DOCK10: variants seen among roughly 807,000 people sequenced by gnomAD.
DOCK10 encodes the protein dedicator of cytokinesis protein 10.
In DOCK10, 145 loss-of-function variants were observed where a neutral mutation model predicts 280.1. The ratio of observed to expected loss-of-function variants is 0.52; its 90% confidence interval spans 0.45 to 0.59. The LOEUF (loss-of-function observed/expected upper bound fraction) is 0.59, where lower values mean the gene tolerates loss of function less well. Ranked by LOEUF, DOCK10 falls within the 20% of genes least tolerant of loss-of-function variation. DOCK10 has a pLI of 0.00. For missense variants in DOCK10, 2,368 were observed against 2,651.7 expected (o/e 0.89, Z 2.35); for synonymous variants, 915 against 942.2 (o/e 0.97, Z 0.53).
At chr2:224,849,317 A>G (rs568618640) in intron 19 of DOCK10, among the ~76,000 whole-genome samples, 190 bp downstream of exon 19, 1 of 152,342 alleles carries the variant, frequency 6.6e-6, no homozygotes, top group East Asian at 1.9e-4. Context: ...CCTGAAATAC[A>G]TGAATTTGCA....
chr2:224,940,108 G>A (rs1217073031), intron 1 of DOCK10, among the ~76,000 whole-genome samples: 1 of 152,172 alleles, frequency 6.6e-6, no homozygotes, highest in East Asian at 1.9e-4. Flanking sequence ...ACGCTTTCCT[G>A]CCGAACTCTG....
At chr2:224,780,420 A>C (rs1646810658) in intron 50 of DOCK10, among the ~76,000 whole-genome samples, 1 of 152,200 alleles carries the variant, frequency 6.6e-6, no homozygotes, top group South Asian at 2.1e-4. Flanking sequence ...CATGGGGCTA[A>C]AGCTGAAGCA....
At chr2:224,983,022 A>G (rs1339010110) in intron 1 of DOCK10, among the ~76,000 whole-genome samples, 1 of 152,134 alleles carries the variant, frequency 6.6e-6, no homozygotes, top group Non-Finnish European at 1.5e-5. Context: ...TCTCAATAGT[A>G]TGGTTGTTCT....
At chr2:224,797,189 A>G in intron 42 of DOCK10, 43 bp from the exon 43 acceptor site, 1 of 1,471,166 alleles carries the variant, frequency 6.8e-7, no homozygotes, top group Non-Finnish European at 9.2e-7. Flanking sequence ...ACATGCCTTC[A>G]TTTTGCTCTG....
chr2:224,833,347 A>G (rs1695369741), intron 26 of DOCK10, among the ~76,000 whole-genome samples: 1 of 151,482 alleles, frequency 6.6e-6, no homozygotes, highest in South Asian at 2.1e-4. Context: ...ACTTGGCTCC[A>G]GCCACAGTGT....
rs572743053 is a variant in DOCK10 at position 224,935,380 on chromosome 2, G to A, written c.124-3712C>T. 9.2e-5 allele frequency among the ~76,000 whole-genome samples: 14 copies of A among 152,320 alleles called. No homozygotes were observed. In the East Asian group the frequency reaches 2.7e-3, roughly 29 times the overall value. ...ACCAACCTTCATATTCCTCCAGAAT[G>A]GAAGTACAATCTAACTGAAACATAA... is the stretch of plus-strand genomic sequence containing the variant. On this transcript the variant is annotated intron_variant, in intron 1 of 55. Transcript: ENST00000258390.
At chr2:224,776,563 G>T (rs1373197960) in intron 51 of DOCK10, among the ~76,000 whole-genome samples, 1 of 151,472 alleles carries the variant, frequency 6.6e-6, no homozygotes, top group Admixed American at 6.6e-5. Context: ...CACATTCACA[G>T]AAATTTCTGC....
chr2:224,978,057 A>G (rs1705536455), intron 1 of DOCK10, among the ~76,000 whole-genome samples: 1 of 152,208 alleles, frequency 6.6e-6, no homozygotes, highest in Admixed American at 6.5e-5. Context: ...ATTAGTGACA[A>G]CTGCTTAAAA....
At chr2:225,035,574 A>ATATATATATATATATATATAT (rs1690229915) in intron 1 of DOCK10, among the ~76,000 whole-genome samples, 2 of 78,082 alleles carry the variant, frequency 2.6e-5, no homozygotes, top group Non-Finnish European at 2.5e-5. Context: ...ATATATATAT[A>ATATATATATATATATATATAT]TATATATATA....
At chr2:224,796,449 T>C (rs1407360891) in intron 43 of DOCK10, 23 bp from the exon 44 acceptor site, 1 of 1,449,928 alleles carries the variant, frequency 6.9e-7, no homozygotes, top group Non-Finnish European at 9.4e-7. Flanking sequence ...AAAAATGAAC[T>C]CTCAAAAACA....
rs1692701299 is a variant in DOCK10 at position 224,798,009 on chromosome 2, G to T, written c.4507-40C>A. ...CAGATGTTATTCAGGATAAGTGAAA[G>T]AAAATTTTCATTCTATCAAAAAATA... On this transcript the variant is annotated intron_variant, in intron 41 of 55. Transcript: ENST00000258390. The T allele has an allele frequency of 3.1e-6, 5 of 1,590,120 alleles. No individual in the cohort carries two copies. The South Asian group carries it at 4.5e-5, about 14-fold the overall frequency.
intron 1 of DOCK10, among the ~76,000 whole-genome samples, chr2:224,968,352 G>C (rs950493831): frequency 6.6e-6 from 1 of 152,182 alleles, no homozygotes; most frequent in African/African-American, 2.4e-5. Context: ...CAAGGAAAAA[G>C]ACAATCCCAG....
chr2:225,021,086 G>A (rs58636626), intron 1 of DOCK10, among the ~76,000 whole-genome samples: 42,804 of 152,022 alleles, frequency 0.28, 6,691 homozygotes, highest in African/African-American at 0.41. Flanking sequence ...AGGGACCATC[G>A]CTGCCCTGTT....
chr2:224,984,946 A>T (rs924290354), intron 1 of DOCK10, among the ~76,000 whole-genome samples: 2 of 150,344 alleles, frequency 1.3e-5, no homozygotes, highest in African/African-American at 4.9e-5. Flanking sequence ...GGTTCAAGTG[A>T]TTCTCGTGCC....
chr2:224,959,458 T>C (rs1277482290), intron 1 of DOCK10, among the ~76,000 whole-genome samples: 1 of 144,970 alleles, frequency 6.9e-6, no homozygotes, highest in African/African-American at 2.6e-5. Context: ...TTTTTTTACC[T>C]CAAGTACCAC....
intron 25 of DOCK10, 45 bp from the exon 26 acceptor site, chr2:224,834,308 A>G (rs769729904): frequency 1.8e-6 from 2 of 1,115,442 alleles, no homozygotes; most frequent in East Asian, 4.7e-5. Context: ...ACTTTGAAAA[A>G]TGAAGCTTCA....
At chr2:224,945,280 C>T (rs1218414269) in intron 1 of DOCK10, among the ~76,000 whole-genome samples, 6 of 152,270 alleles carry the variant, frequency 3.9e-5, no homozygotes, top group South Asian at 2.1e-4. Context: ...AACAGGCTGA[C>T]AAGGCTCTTT....
rs567920857 is a variant in DOCK10 at position 224,876,064 on chromosome 2, C to G, written c.905G>C (p.Ser302Thr). 6.2e-7 allele frequency: 1 copy of G among 1,613,624 alleles called. No homozygotes were observed. The highest frequency in any genetic ancestry group is 1.1e-5 in the South Asian group (1 of 91,010). Reference protein sequence around the residue: ...SPEGPLQGRRSTELTDLGLDS... With the variant: ...SPEGPLQGRRTTELTDLGLDS... The stretch of plus-strand genomic sequence containing the variant: ...CAGACCCAGATCAGTGAGCTCTGTG[C>G]TCCTCCTCCCTTGGAGGGGCCCCTC... Residue 302 changes from serine to threonine, a missense_variant, in exon 8 of 56, where the codon AGC (serine) becomes ACC (threonine). Physicochemically the swap from Ser to Thr is moderately conservative, Grantham distance 58. Around this residue, in one of 2 missense-constraint regions of DOCK10, gnomAD observed 1,209 missense variants for 1,250.9 expected, o/e 0.97. Coordinates refer to ENST00000258390, the MANE Select transcript of DOCK10 (RefSeq NM_014689.3).
chr2:224,976,345 T>C (rs576397554), intron 1 of DOCK10, among the ~76,000 whole-genome samples: 1 of 152,284 alleles, frequency 6.6e-6, no homozygotes, highest in East Asian at 1.9e-4. Flanking sequence ...GGCACATGTA[T>C]ACCTGTGTAA....
Sources: gnomAD v4.1 joint callset for allele counts (sites outside exome capture counted in the v4.1 genomes callset) on GRCh38, gnomAD v4.1.1 for gene constraint, gnomAD v4.1.1 regional missense constraint, MANE v1.5 for transcripts, NCBI Gene and HGNC (gene_info 2026-07-23, HGNC 2026-07-21) for gene names.